MTHFSD: variants seen among roughly 807,000 people sequenced by gnomAD.
The protein encoded by MTHFSD is methenyltetrahydrofolate synthase domain-containing protein.
In MTHFSD, 37 loss-of-function variants were observed where a neutral mutation model predicts 31.1. That is an observed-to-expected ratio of 1.19 (90% confidence interval 0.91 to 1.56). The LOEUF is 1.56. MTHFSD is among the 40% of genes most tolerant of loss of function. MTHFSD has a pLI of 0.00. For missense variants in MTHFSD, 664 were observed against 510.1 expected, an observed-to-expected ratio of 1.30 and a Z score of -2.91; for synonymous variants, 221 against 206.9, an observed-to-expected ratio of 1.07 and a Z score of -0.59.
intron 7 of MTHFSD, among the ~76,000 whole-genome samples, chr16:86,537,793 A>T (rs1970918404): frequency 6.6e-6 from 1 of 152,226 alleles, no homozygotes; most frequent in South Asian, 2.1e-4. Flanking sequence ...TGTGGGGAAG[A>T]GCGGGCCATG....
chr16:86,532,497 G>C lies in MTHFSD; in HGVS notation c.682-16C>G. On this transcript the variant is annotated splice_polypyrimidine_tract_variant and intron_variant, in intron 7 of 7. Coordinates refer to ENST00000360900, the MANE Select transcript of MTHFSD (RefSeq NM_001159377.2). ...CCAGGCTGATCTGAAAAGCAAAGCA[G>C]TTGCAGCTCTTTCAGGGACAGAATC... 7.2e-7 allele frequency: 1 copy of C among 1,394,254 alleles called. No individual in the cohort carries two copies. The highest frequency in any genetic ancestry group is 1.6e-5 in the South Asian group (1 of 61,286). The allele number at this position is 1,394,254 out of a possible 1,614,324, so 86.4% of individuals were successfully genotyped here.
At position 86,532,361 on chromosome 16, in the gene MTHFSD, G is replaced by A. The variant is rs1445530175; in HGVS notation, c.802C>T (p.Gln268Ter). 1.9e-6 allele frequency: 3 copies of A among 1,585,534 alleles called. No individual in the cohort carries two copies. Among genetic ancestry groups the A allele is most frequent in the African/African-American group, 2.7e-5 (2 of 74,062 alleles). Residue 268 changes from glutamine to a stop codon, truncating the protein, a stop_gained, in exon 8 of 8, where the codon CAG (glutamine) becomes TAG (stop). Transcript: ENST00000360900. LOFTEE classifies it low-confidence loss of function (END_TRUNC). ...EHQHLPEPGCQQTVPLSVGRR... is the reference protein window; with the variant it reads ...EHQHLPEPGC ...CCAACACTCAGGGGCACTGTCTGCT[G>A]GCAGCCTGGTTCCGGAAGGTGCTGG...
At position 86,548,511 on chromosome 16, in the gene MTHFSD, G is replaced by T. The variant is rs371482947; in HGVS notation, c.304C>A (p.Pro102Thr). 4 of 1,613,794 alleles carry T rather than the reference G, an allele frequency of 2.5e-6. No homozygotes were observed. The highest frequency in any genetic ancestry group is 3.4e-6 in the Non-Finnish European group (4 of 1,179,964). ...RTGLFNKITP[P>T]PGATKDILRK... ...AAGATGTCTTTAGTTGCCCCAGGGGGTGGTGTGATCTTATTAAACAATCCC... is the reference window on the plus strand; with the variant it reads ...AAGATGTCTTTAGTTGCCCCAGGGGTTGGTGTGATCTTATTAAACAATCCC... The change falls in exon 4 of 8, where the codon CCC becomes ACC. Residue 102 changes from proline to threonine, a missense_variant. Pro to Thr is a conservative substitution (Grantham distance 38, BLOSUM62 -1). Coordinates refer to ENST00000360900, the MANE Select transcript of MTHFSD (RefSeq NM_001159377.2).
At chr16:86,537,393 G>A (rs911391822) in intron 7 of MTHFSD, among the ~76,000 whole-genome samples, 18 of 152,174 alleles carry the variant, frequency 1.2e-4, no homozygotes, top group African/African-American at 2.6e-4. Flanking sequence ...AAAGCTGTAT[G>A]CACTTAAATG....
At chr16:86,541,630 C>T in intron 7 of MTHFSD, 67 bp downstream of exon 7, 1 of 1,566,030 alleles carries the variant, frequency 6.4e-7, no homozygotes. Flanking sequence ...CCATGCCAGA[C>T]AGAAAACACT....
At position 86,548,449 on chromosome 16, in the gene MTHFSD, G is replaced by C. The variant is rs373599281; in HGVS notation, c.351+15C>G. 13 of 1,599,556 alleles carry C rather than the reference G, an allele frequency of 8.1e-6. No individual in the cohort carries two copies. In the African/African-American group the frequency reaches 1.7e-4, roughly 21 times the overall value. On this transcript the variant is annotated intron_variant, in intron 4 of 7. Coordinates refer to ENST00000360900, the MANE Select transcript of MTHFSD (RefSeq NM_001159377.2). ...CAGTTCTTTCCTAGGTGGGGACATTGCTTCTGGTACTTACCTGAGAGGTGG... is the reference window on the plus strand; with the variant it reads ...CAGTTCTTTCCTAGGTGGGGACATTCCTTCTGGTACTTACCTGAGAGGTGG...
At chr16:86,548,686 A>C (rs1021149243) in intron 3 of MTHFSD, 109 bp from the exon 4 acceptor site, 1 of 856,476 alleles carries the variant, frequency 1.2e-6, no homozygotes, top group Non-Finnish European at 1.8e-6. Context: ...TATTATCCGC[A>C]TGGTTTTTTT....
In MTHFSD at chr16:86,534,491, G is replaced by A. The variant is rs115024399; in HGVS notation, c.682-2010C>T. Among the ~76,000 whole-genome samples, 956 of 152,282 alleles carry A rather than the reference G, an allele frequency of 6.3e-3. 15 individuals carry two copies. The highest frequency in any genetic ancestry group is 0.022 in the African/African-American group (922 of 41,540). ...GCTTGAGGTGCTACTGGACACAGAT[G>A]GGAGGGGAAGAATGAGAACGACCTA... On this transcript the variant is annotated intron_variant, in intron 7 of 7. Transcript: ENST00000360900.
intron 2 of MTHFSD, 48 bp downstream of exon 2, chr16:86,554,597 T>C: frequency 3.7e-6 from 5 of 1,356,634 alleles, no homozygotes; most frequent in Non-Finnish European, 5.3e-6. Flanking sequence ...GTTATTCATT[T>C]AAGAATATTT....
rs1438420471 is a variant in MTHFSD, at chr16:86,531,732, C to A, written c.*279G>T. 3 of 302,792 alleles carry A rather than the reference C, an allele frequency of 9.9e-6. No individual in the cohort carries two copies. The East Asian group carries it at 1.6e-4, about 16-fold the overall frequency. The allele number at this position is 302,792 out of a possible 1,614,324, so 18.8% of individuals were successfully genotyped here. ...TCAGTCCCTGGCCCCTCTGCTCTGT[C>A]CCTCCAGAGAAACAGAAACCGACTC... is the stretch of plus-strand genomic sequence containing the variant. On this transcript the variant is annotated 3_prime_UTR_variant, in exon 8 of 8. Coordinates refer to ENST00000360900, the MANE Select transcript of MTHFSD (RefSeq NM_001159377.2). The surrounding 1 kb of genome is among the most constrained non-coding windows in gnomAD (Gnocchi z 5.5).
Position 86,546,981 on chromosome 16 carries a change from A to G in MTHFSD, c.352-332T>C, listed in dbSNP as rs147125628. ...AAACACAGGGGCAGAGTCCCAGGGA[A>G]CTGGGTTCAGAGCCTCTGAGCCACA... is the stretch of plus-strand genomic sequence containing the variant. On this transcript the variant is annotated intron_variant, in intron 4 of 7. Transcript: ENST00000360900. 8.0e-3 allele frequency among the ~76,000 whole-genome samples: 1,223 copies of G among 152,316 alleles called. 9 individuals are homozygous for G. The highest frequency in any genetic ancestry group is 0.034 in the Middle Eastern group (10 of 294).
intron 7 of MTHFSD, among the ~76,000 whole-genome samples, chr16:86,539,480 T>G (rs989638548): frequency 6.6e-6 from 1 of 152,268 alleles, no homozygotes; most frequent in Non-Finnish European, 1.5e-5. Flanking sequence ...GCATTCTACA[T>G]GCACTGCCTT....
intron 5 of MTHFSD, among the ~76,000 whole-genome samples, chr16:86,544,214 G>C (rs1971941056): frequency 6.6e-6 from 1 of 152,168 alleles, no homozygotes; most frequent in African/African-American, 2.4e-5. Flanking sequence ...ACCGGTCCCT[G>C]GTGCCAAAAA....
At position 86,548,547 on chromosome 16, in the gene MTHFSD, G is replaced by A. The variant is rs771136144; in HGVS notation, c.268C>T (p.Arg90Ter). 26 of 1,612,578 alleles carry A rather than the reference G, an allele frequency of 1.6e-5. No homozygotes were observed. The highest frequency in any genetic ancestry group is 1.6e-4 in the Middle Eastern group (1 of 6,080). ...SKKTLLVPTPRLRTGLFNKIT... is the reference protein window; with the variant it reads ...SKKTLLVPTP ...TTATTAAACAATCCCGTTCTCAGTCGTGGTGTTGGAACCAACAATGTTTTT... is the reference window on the plus strand; with the variant it reads ...TTATTAAACAATCCCGTTCTCAGTCATGGTGTTGGAACCAACAATGTTTTT... The change falls in exon 4 of 8, where the codon CGA becomes TGA. Residue 90 changes from arginine (R) to a stop codon, truncating the protein, a stop_gained. Coordinates refer to ENST00000360900, the MANE Select transcript of MTHFSD (RefSeq NM_001159377.2). LOFTEE classifies it high-confidence loss of function.
chr16:86,547,840 C>T (rs1972557913), intron 4 of MTHFSD, among the ~76,000 whole-genome samples: 1 of 152,048 alleles, frequency 6.6e-6, no homozygotes, highest in South Asian at 2.1e-4. Flanking sequence ...ATTTTTTCTT[C>T]TCAGTAGATT....
At chr16:86,539,193 G>A (rs577858501) in intron 7 of MTHFSD, among the ~76,000 whole-genome samples, 28 of 152,312 alleles carry the variant, frequency 1.8e-4, no homozygotes, top group African/African-American at 6.5e-4. Context: ...GTCACAGGCG[G>A]TATGGAGCAG....
At chr16:86,545,863 G>A (rs977644910) in intron 5 of MTHFSD, among the ~76,000 whole-genome samples, 2 of 152,218 alleles carry the variant, frequency 1.3e-5, no homozygotes, top group African/African-American at 2.4e-5. Flanking sequence ...TGACACAGAC[G>A]AAGCACCAGA....
At chr16:86,541,949 T>C (rs1971587715) in intron 6 of MTHFSD, 127 bp from the exon 7 acceptor site, 2 of 1,411,166 alleles carry the variant, frequency 1.4e-6, no homozygotes, top group Admixed American at 3.9e-5. Context: ...GGGCTAAGGC[T>C]TAGCCGCTGT....
chr16:86,544,497 T>G (rs1019578011), intron 5 of MTHFSD, among the ~76,000 whole-genome samples: 1 of 152,186 alleles, frequency 6.6e-6, no homozygotes, highest in African/African-American at 2.4e-5. Flanking sequence ...TCACTGATCA[T>G]TAGAGGAATG....
Sources: gnomAD v4.1 joint callset for allele counts (sites outside exome capture counted in the v4.1 genomes callset) on GRCh38, gnomAD v4.1.1 for gene constraint, Gnocchi (gnomAD v3.1) non-coding constraint, MANE v1.5 for transcripts, NCBI Gene and HGNC (gene_info 2026-07-23, HGNC 2026-07-21) for gene names.